FOXN4: variants seen among roughly 807,000 people sequenced by gnomAD.
FOXN4 encodes forkhead box N4, also known as forkhead box protein N4.
FOXN4 carries 12 observed loss-of-function variants against 45.0 expected under a neutral mutation model. That is an observed-to-expected ratio of 0.27 (90% CI 0.17 to 0.43). The LOEUF (loss-of-function observed/expected upper bound fraction) is 0.43, where lower values mean the gene tolerates loss of function less well. Among genes scored for constraint, FOXN4 ranks in the 20% least tolerant of loss-of-function variants. The probability of loss-of-function intolerance (pLI) is 1.00; values close to 1 mark genes in which losing one functional copy is unlikely to be tolerated. For missense variants in FOXN4, 560 were observed against 694.9 expected, an observed-to-expected ratio of 0.81 and a Z score of 2.18; for synonymous variants, 297 against 295.0, an observed-to-expected ratio of 1.01 and a Z score of -0.07.
chr12:109,287,309 A>C lies in FOXN4; in HGVS notation c.596+88T>G. The C allele has an allele frequency of 6.6e-7, 1 of 1,505,802 alleles. No homozygotes were observed. The highest frequency in any genetic ancestry group is 9.0e-7 in the Non-Finnish European group (1 of 1,114,308). The allele number at this position is 1,505,802 out of a possible 1,614,324, so 93.3% of individuals were successfully genotyped here. On this transcript the variant is annotated intron_variant, in intron 6 of 9. Coordinates refer to ENST00000299162, the MANE Select transcript of FOXN4 (RefSeq NM_213596.3). This position sits in a 1 kb window ranked among gnomAD's most constrained non-coding sequence, Gnocchi z 4.1. ...CCCCCTTGGAAGTCTGGGCTGCCAC[A>C]CTAGCTGTCTGAGATGCCCTGAGGG...
intron 9 of FOXN4, among the ~76,000 whole-genome samples, chr12:109,280,750 A>T (rs1366406320): frequency 6.6e-6 from 1 of 152,218 alleles, no homozygotes; most frequent in Non-Finnish European, 1.5e-5. Flanking sequence ...GGAACATAAG[A>T]GCTGCACCTG....
intron 9 of FOXN4, 57 bp downstream of exon 9, chr12:109,281,350 C>G: frequency 6.3e-7 from 1 of 1,589,882 alleles, no homozygotes; most frequent in Non-Finnish European, 8.6e-7. Context: ...CTCCCTTTGG[C>G]CCCCGGGCCT....
rs572126746 is a variant in FOXN4, at chr12:109,304,292, A to G, written c.86+3944T>C. 6.4e-4 allele frequency among the ~76,000 whole-genome samples: 29 copies of G among 45,572 alleles called. 1 individual carries two copies. The highest frequency in any genetic ancestry group is 2.8e-3 in the Admixed American group (11 of 3,870). The allele number at this position is 45,572 out of a possible 152,430, so 29.9% of individuals were successfully genotyped here. ...GAAAGAAAGAAAGAAAGAAAGAAAG[A>G]AAGGAGAAAGAAAGAAGGAAAGAAG... On this transcript the variant is annotated intron_variant, in intron 2 of 9. Coordinates refer to ENST00000299162, the MANE Select transcript of FOXN4 (RefSeq NM_213596.3).
At chr12:109,302,311 G>T (rs1051464170) in intron 2 of FOXN4, among the ~76,000 whole-genome samples, 1 of 152,190 alleles carries the variant, frequency 6.6e-6, no homozygotes, top group Non-Finnish European at 1.5e-5. Flanking sequence ...GCCCACACAG[G>T]GTCACACATA....
chr12:109,279,609 G>C lies in FOXN4; in HGVS notation c.*62C>G. On this transcript the variant is annotated 3_prime_UTR_variant, in exon 10 of 10. Transcript: ENST00000299162. Reference sequence around the variant, plus strand: ...GGGACCTGCCTTCTGGGAACACCCTGTTCTAGTCAGTTCTCTGCCCAAGCC... The same window carrying C: ...GGGACCTGCCTTCTGGGAACACCCTCTTCTAGTCAGTTCTCTGCCCAAGCC... 1 of 1,548,744 alleles carries C rather than the reference G, an allele frequency of 6.5e-7. No homozygotes were observed. Among genetic ancestry groups the C allele is most frequent in the Non-Finnish European group, 8.7e-7 (1 of 1,145,748 alleles).
At position 109,281,490 on chromosome 12, in the gene FOXN4, G is replaced by C. The variant is rs781681344; in HGVS notation, c.1211C>G (p.Pro404Arg). 4 of 1,614,030 alleles carry C rather than the reference G, an allele frequency of 2.5e-6. No homozygotes were observed. In the African/African-American group the frequency reaches 5.3e-5, roughly 22 times the overall value. ...GGTGCTGATGTTGATGAAGTCTACAGGAGCCCTTCCCATGGCGGGGTGGGG... is the reference window on the plus strand; with the variant it reads ...GGTGCTGATGTTGATGAAGTCTACACGAGCCCTTCCCATGGCGGGGTGGGG... ...PLPHPAMGRA[P>R]VDFINISTDM... The change falls in exon 9 of 10, where the codon CCT becomes CGT. Residue 404 changes from proline to arginine, a missense_variant. This residue lies in a region of FOXN4 where 315 missense variants were observed against 350.5 expected (regional missense o/e 0.90). Coordinates refer to ENST00000299162, the MANE Select transcript of FOXN4 (RefSeq NM_213596.3).
intron 8 of FOXN4, 46 bp downstream of exon 8, chr12:109,285,258 T>G: frequency 6.5e-7 from 1 of 1,536,620 alleles, no homozygotes; most frequent in Non-Finnish European, 8.8e-7. Context: ...TGTGTGTGTG[T>G]GTGTGTGTGT....
intron 8 of FOXN4, among the ~76,000 whole-genome samples, chr12:109,284,921 T>C (rs928742412): frequency 1.4e-5 from 2 of 145,626 alleles, no homozygotes; most frequent in African/African-American, 2.6e-5. Flanking sequence ...TTTGTGTGTG[T>C]GTGCGTGCTG....
Position 109,288,119 on chromosome 12 carries a change from G to T in FOXN4, c.294C>A (p.Gly98=). ...TGCCTCGGGGGGCCATGCCTGCTGG[G>T]CCATGGAGAAGGGGACTTGGAGTGG... ...VGATPSPLLH[G]PAGMAPRGMP... Residue 98 remains glycine (G), a synonymous_variant, in exon 4 of 10, where the codon GGC becomes GGA. Transcript: ENST00000299162. The surrounding 1 kb of genome is among the most constrained non-coding windows in gnomAD (Gnocchi z 4.3). The T allele has an allele frequency of 1.3e-6, 2 of 1,545,914 alleles. No homozygotes were observed. The highest frequency in any genetic ancestry group is 1.7e-6 in the Non-Finnish European group (2 of 1,145,568).
At position 109,278,803 on chromosome 12, in the gene FOXN4, G is replaced by A. The variant is rs2047627198; in HGVS notation, c.*868C>T. The A allele has an allele frequency of 6.6e-6, 1 of 152,132 alleles. No individual in the cohort carries two copies. The highest frequency in any genetic ancestry group is 1.9e-4 in the East Asian group (1 of 5,196). The allele number at this position is 152,132 out of a possible 1,614,324, so 9.4% of individuals were successfully genotyped here. A position where few individuals can be genotyped will look rare whatever the true frequency, so the allele number is the denominator to read the frequency against. On this transcript the variant is annotated 3_prime_UTR_variant, in exon 10 of 10. Transcript: ENST00000299162. ...ATCTGGTCTCTAATACGGAAAAAAT[G>A]GGATGTTTCACAGTATCAACAGTGC... is the stretch of plus-strand genomic sequence containing the variant.
chr12:109,285,249 G>GTGTGTGTT, intron 8 of FOXN4, 55 bp downstream of exon 8: 6 of 1,454,508 alleles, frequency 4.1e-6, no homozygotes, highest in Non-Finnish European at 5.6e-6. Flanking sequence ...TCTTCCGTGT[G>GTGTGTGTT]TGTGTGTGTG....
chr12:109,293,256 G>A (rs150397768), intron 2 of FOXN4, among the ~76,000 whole-genome samples: 5 of 152,178 alleles, frequency 3.3e-5, no homozygotes, highest in African/African-American at 1.2e-4. Flanking sequence ...AAAAGGACCA[G>A]GGTTGGGGTC....
In FOXN4 at chr12:109,288,212, G is replaced by C; in HGVS notation, c.233-32C>G. On this transcript the variant is annotated intron_variant, in intron 3 of 9. Coordinates refer to ENST00000299162, the MANE Select transcript of FOXN4 (RefSeq NM_213596.3). This position sits in a 1 kb window ranked among gnomAD's most constrained non-coding sequence, Gnocchi z 4.3. The stretch of plus-strand genomic sequence containing the variant: ...GAGAGAAGCACAGAGACGCTGCTGG[G>C]CTGGAGGAATGGTGGCTGCCACCAG... The C allele has an allele frequency of 7.8e-6, 12 of 1,539,192 alleles. No individual in the cohort carries two copies. Among genetic ancestry groups the C allele is most frequent in the Non-Finnish European group, 1.0e-5 (12 of 1,144,494 alleles).
In FOXN4 at chr12:109,285,406, G is replaced by C; in HGVS notation, c.799C>G (p.Leu267Val). The C allele has an allele frequency of 6.2e-7, 1 of 1,614,054 alleles. No homozygotes were observed. Among genetic ancestry groups the C allele is most frequent in the African/African-American group, 1.3e-5 (1 of 75,064 alleles). The change falls in exon 8 of 10, where the codon CTG becomes GTG. Residue 267 changes from leucine to valine, a missense_variant. By Grantham distance (32) the Leu-to-Val change is conservative. Coordinates refer to ENST00000299162, the MANE Select transcript of FOXN4 (RefSeq NM_213596.3). ...ATGCGGGCCAGGTTCAGAGCCCACA[G>C]GCAGCCCTTGCGGGAGGAGCCGCTC... ...KMSGSSRKGC[L>V]WALNLARIDK...
At position 109,288,086 on chromosome 12, in the gene FOXN4, A is replaced by T; in HGVS notation, c.327T>A (p.Gly109=). 6.5e-7 allele frequency: 1 copy of T among 1,548,648 alleles called. No homozygotes were observed. Among genetic ancestry groups the T allele is most frequent in the East Asian group, 2.5e-5 (1 of 40,772 alleles). Residue 109 remains glycine, a synonymous_variant, in exon 4 of 10, where the codon GGT becomes GGA. Transcript: ENST00000299162. This position sits in a 1 kb window ranked among gnomAD's most constrained non-coding sequence, Gnocchi z 4.3. ...PAGMAPRGMP[G]LGPITGHRDS... ...CTCTGTGGCCAGTTATGGGGCCCAG[A>T]CCTGGCATGCCTCGGGGGGCCATGC... is the stretch of plus-strand genomic sequence containing the variant.
At chr12:109,306,520 G>A (rs1011725703) in intron 2 of FOXN4, among the ~76,000 whole-genome samples, 1 of 152,300 alleles carries the variant, frequency 6.6e-6, no homozygotes, top group East Asian at 1.9e-4. Flanking sequence ...CAGCTAGGAG[G>A]GCAGAAGTAG....
intron 2 of FOXN4, among the ~76,000 whole-genome samples, chr12:109,304,271 GAAA>G (rs2047897228): frequency 1.2e-5 from 1 of 81,778 alleles, no homozygotes; most frequent in Non-Finnish European, 2.6e-5. Context: ...AAGAAAGAAA[GAAA>G]GAAAGAAAGA....
rs904423134 is a variant in FOXN4, at chr12:109,291,129, G to A, written c.87-843C>T. 8.5e-5 allele frequency among the ~76,000 whole-genome samples: 13 copies of A among 152,216 alleles called. No homozygotes were observed. The highest frequency in any genetic ancestry group is 3.4e-3 in the Middle Eastern group (1 of 294). ...CAGTTAGGACCCACACCCACCAGCC[G>A]CAACAGATTCATGGGCAAAACATCG... On this transcript the variant is annotated intron_variant, in intron 2 of 9. Transcript: ENST00000299162. The surrounding 1 kb of genome is among the most constrained non-coding windows in gnomAD (Gnocchi z 6.6).
intron 2 of FOXN4, among the ~76,000 whole-genome samples, chr12:109,294,642 C>A (rs568636849): frequency 4.1e-4 from 63 of 152,250 alleles, no homozygotes; most frequent in African/African-American, 1.4e-3. Context: ...CCACTGGCTC[C>A]GAAGGCTGGC....
Sources: allele counts gnomAD v4.1 joint callset (sites outside exome capture counted in the v4.1 genomes callset), GRCh38; gene constraint gnomAD v4.1.1; regional missense constraint gnomAD v4.1.1; non-coding constraint Gnocchi (gnomAD v3.1); transcripts MANE v1.5; gene names NCBI Gene and HGNC (gene_info 2026-07-23, HGNC 2026-07-21).